The following MAGI2 variants were observed in gnomAD, a reference collection of about 807,000 sequenced individuals.
MAGI2 encodes the protein membrane-associated guanylate kinase, WW and PDZ domain-containing protein 2.
Under a neutral mutation model 133.3 loss-of-function variants are expected in MAGI2, and 35 were observed. The observed-to-expected ratio is 0.26, with a 90% CI of 0.20 to 0.35. MAGI2 has a LOEUF of 0.35. MAGI2 is among the 10% of genes least tolerant of loss of function. MAGI2 has a pLI of 1.00. For missense variants in MAGI2, 1,636 were observed against 1,863.4 expected (o/e 0.88, Z 2.25); for synonymous variants, 729 against 710.6 (o/e 1.03, Z -0.41).
At chr7:78,382,498 C>T (rs927724211) in intron 6 of MAGI2, among the ~76,000 whole-genome samples, 1 of 151,936 alleles carries the variant, frequency 6.6e-6, no homozygotes, top group Non-Finnish European at 1.5e-5. Flanking sequence ...CGTACAGCAA[C>T]TCAAAAGGTA....
intron 1 of MAGI2, among the ~76,000 whole-genome samples, chr7:79,257,227 T>A (rs2129556121): frequency 6.6e-6 from 1 of 152,258 alleles, no homozygotes; most frequent in African/African-American, 2.4e-5. Context: ...CATAAATTAT[T>A]CATAAACATA....
At chr7:79,025,946 T>C (rs1809843951) in intron 1 of MAGI2, among the ~76,000 whole-genome samples, 1 of 152,220 alleles carries the variant, frequency 6.6e-6, no homozygotes, top group African/African-American at 2.4e-5. Context: ...CAGTGAATTA[T>C]ATTATAATTG....
At chr7:78,871,405 T>G (rs773907024) in intron 2 of MAGI2, among the ~76,000 whole-genome samples, 50 of 152,136 alleles carry the variant, frequency 3.3e-4, no homozygotes, top group Admixed American at 1.0e-3. Flanking sequence ...ACTGCTCAGG[T>G]GATGGGTGCA....
chr7:78,908,652 T>C (rs889530386), intron 2 of MAGI2, among the ~76,000 whole-genome samples: 1 of 152,222 alleles, frequency 6.6e-6, no homozygotes, highest in African/African-American at 2.4e-5. Context: ...AATAAGCTGA[T>C]GCTGAGAGCA....
chr7:79,280,704 G>T (rs1401495500), intron 1 of MAGI2, among the ~76,000 whole-genome samples: 1 of 151,786 alleles, frequency 6.6e-6, no homozygotes, highest in Non-Finnish European at 1.5e-5. Flanking sequence ...AGATGGGGAG[G>T]ATCACTTGCA....
intron 1 of MAGI2, among the ~76,000 whole-genome samples, chr7:79,327,866 G>C (rs556044501): frequency 6.6e-6 from 1 of 152,214 alleles, no homozygotes; most frequent in East Asian, 1.9e-4. Context: ...TGTATGCTTA[G>C]AGTTAGAAAG....
At chr7:79,167,701 C>CT (rs963362162) in intron 1 of MAGI2, among the ~76,000 whole-genome samples, 4 of 149,712 alleles carry the variant, frequency 2.7e-5, no homozygotes, top group East Asian at 2.0e-4. Context: ...CCCAGTGACA[C>CT]TTTTTTTTTA....
chr7:78,977,491 GAAA>G (rs1182902142), intron 2 of MAGI2, among the ~76,000 whole-genome samples: 2 of 26,460 alleles, frequency 7.6e-5, no homozygotes, highest in African/African-American at 1.8e-4. Flanking sequence ...AAGAAAGAAA[GAAA>G]GAAAGAAAGA....
At chr7:78,816,169 G>A (rs375837031) in intron 2 of MAGI2, among the ~76,000 whole-genome samples, 2 of 152,236 alleles carry the variant, frequency 1.3e-5, no homozygotes, top group Admixed American at 6.5e-5. Flanking sequence ...TACATTTGCT[G>A]AAATCAAAGC....
intron 9 of MAGI2, among the ~76,000 whole-genome samples, chr7:78,263,218 A>G (rs886668379): frequency 3.9e-5 from 6 of 152,120 alleles, no homozygotes; most frequent in African/African-American, 1.4e-4. Flanking sequence ...CCAATCCACC[A>G]TTGGTAGGCA....
intron 2 of MAGI2, chr7:78,903,947 T>G (rs1015904983): frequency 6.6e-6 from 1 of 152,240 alleles, no homozygotes. Flanking sequence ...CCTTGAGAGC[T>G]GCACAGAAAT....
At chr7:79,354,233 C>T (rs1277306389) in intron 1 of MAGI2, 4 of 152,236 alleles carry the variant, frequency 2.6e-5, no homozygotes, top group African/African-American at 9.7e-5. Context: ...GGTGTCAGCT[C>T]CCTGCCAACA....
intron 1 of MAGI2, among the ~76,000 whole-genome samples, chr7:79,086,164 T>G (rs1471216482): frequency 6.6e-6 from 1 of 151,892 alleles, no homozygotes; most frequent in Admixed American, 6.6e-5. Flanking sequence ...ACTAAACAAT[T>G]GTTAGTGATT....
intron 3 of MAGI2, among the ~76,000 whole-genome samples, chr7:78,531,933 C>T (rs569019834): frequency 6.6e-6 from 1 of 152,096 alleles, no homozygotes; most frequent in African/African-American, 2.4e-5. Flanking sequence ...AAATCTCTAA[C>T]CCTCAGTTGC....
chr7:78,360,884 G>T (rs1792709688), intron 7 of MAGI2, among the ~76,000 whole-genome samples: 1 of 152,162 alleles, frequency 6.6e-6, no homozygotes, highest in Non-Finnish European at 1.5e-5. Context: ...AAGGAGCATG[G>T]TCCTTCTTTG....
At chr7:78,058,558 G>A (rs1422653413) in intron 21 of MAGI2, among the ~76,000 whole-genome samples, 2 of 149,930 alleles carry the variant, frequency 1.3e-5, no homozygotes, top group East Asian at 2.0e-4. Context: ...TGCAAACTCC[G>A]CCTCCCGGGT....
At chr7:79,334,279 G>A (rs904527615) in intron 1 of MAGI2, among the ~76,000 whole-genome samples, 2 of 151,944 alleles carry the variant, frequency 1.3e-5, no homozygotes, top group African/African-American at 4.8e-5. Flanking sequence ...CCAAGTGTCT[G>A]GTATAATACT....
At chr7:78,415,618 G>A (rs763093239) in intron 6 of MAGI2, among the ~76,000 whole-genome samples, 5 of 151,990 alleles carry the variant, frequency 3.3e-5, no homozygotes, top group Non-Finnish European at 5.9e-5. Flanking sequence ...GTGGAAAGAG[G>A]CATTTCTGGC....
intron 1 of MAGI2, among the ~76,000 whole-genome samples, chr7:79,301,127 C>T (rs940475805): frequency 2.0e-4 from 30 of 152,374 alleles, no homozygotes; most frequent in Middle Eastern, 6.8e-3. Context: ...TATGGCAAGG[C>T]AGAGGATAAA....
Sources: gnomAD v4.1 joint callset for allele counts (sites outside exome capture counted in the v4.1 genomes callset) on GRCh38, gnomAD v4.1.1 for gene constraint, MANE v1.5 for transcripts, NCBI Gene and HGNC (gene_info 2026-07-23, HGNC 2026-07-21) for gene names.